Variants in CADM2 observed in about 807,000 individuals in gnomAD.
CADM2 encodes cell adhesion molecule 2.
Under a neutral mutation model 49.8 loss-of-function variants are expected in CADM2, and 12 were observed. The ratio of observed to expected loss-of-function variants is 0.24; its 90% CI spans 0.15 to 0.39. The LOEUF (loss-of-function observed/expected upper bound fraction) is 0.39, where lower values mean the gene tolerates loss of function less well. CADM2 is among the 10% of genes least tolerant of loss of function. CADM2 has a pLI of 1.00. For missense variants in CADM2, 378 were observed against 492.3 expected (o/e 0.77, Z 2.20); for synonymous variants, 214 against 175.4 (o/e 1.22, Z -1.74).
chr3:85,444,443 TCACACACACACA>T (rs4053296), intron 1 of CADM2, among the ~76,000 whole-genome samples: 5 of 147,930 alleles, frequency 3.4e-5, no homozygotes, highest in African/African-American at 7.5e-5. Flanking sequence ...TCCTACACAC[TCACACACACACA>T]CACACACACA....
At chr3:85,920,042 C>T (rs1001542986) in intron 6 of CADM2, among the ~76,000 whole-genome samples, 1 of 151,802 alleles carries the variant, frequency 6.6e-6, no homozygotes, top group Non-Finnish European at 1.5e-5. Flanking sequence ...TACACAAACC[C>T]GTACGTTTCT....
chr3:85,659,105 C>G (rs973790686), intron 1 of CADM2, among the ~76,000 whole-genome samples: 1 of 130,232 alleles, frequency 7.7e-6, no homozygotes, highest in African/African-American at 2.9e-5. Context: ...TTTTAAAACT[C>G]TACTGAAGCC....
intron 3 of CADM2, among the ~76,000 whole-genome samples, chr3:85,832,833 A>G (rs2074241925): frequency 6.6e-6 from 1 of 151,880 alleles, no homozygotes; most frequent in South Asian, 2.1e-4. Context: ...TAGGAATTTC[A>G]GTAAAGTGTT....
At chr3:85,529,897 T>C (rs1559889376) in intron 1 of CADM2, among the ~76,000 whole-genome samples, 1 of 152,140 alleles carries the variant, frequency 6.6e-6, no homozygotes, top group Non-Finnish European at 1.5e-5. Flanking sequence ...AATCCCTCTC[T>C]TATTTTTTCT....
intron 7 of CADM2, among the ~76,000 whole-genome samples, chr3:85,950,768 A>G (rs897727091): frequency 6.6e-6 from 1 of 151,134 alleles, no homozygotes; most frequent in Non-Finnish European, 1.5e-5. Context: ...TACTGGTGAA[A>G]TTAATATGCA....
Position 85,675,273 on chromosome 3 carries a change from A to G in CADM2, c.62-51249A>G, listed in dbSNP as rs147473479. On this transcript the variant is annotated intron_variant, in intron 1 of 9. Coordinates refer to ENST00000383699, the MANE Select transcript of CADM2 (RefSeq NM_001167675.2). Reference sequence around the variant, plus strand: ...TTTTAAGGTTATATTTAGCTCCTGTATCTTAGGATACAAGAACTTTAAGTG... The same window carrying G: ...TTTTAAGGTTATATTTAGCTCCTGTGTCTTAGGATACAAGAACTTTAAGTG... Among the ~76,000 whole-genome samples, 1,260 of 152,244 alleles carry G rather than the reference A, an allele frequency of 8.3e-3. 9 individuals are homozygous for G. The highest frequency in any genetic ancestry group is 0.012 in the Non-Finnish European group (782 of 67,990).
intron 1 of CADM2, among the ~76,000 whole-genome samples, chr3:85,289,561 T>C (rs1438411946): frequency 6.6e-6 from 1 of 152,200 alleles, no homozygotes; most frequent in Non-Finnish European, 1.5e-5. Flanking sequence ...CTAAGCTAAA[T>C]GAAGACATAG....
Position 86,072,256 on chromosome 3 carries a change from A to G in CADM2, c.*5473A>G, listed in dbSNP as rs537444152. ...GTTATGTGGTTATGTTATCAATAATATTTGGTTGATCTTCACATATTTTAT... is the reference window on the plus strand; with the variant it reads ...GTTATGTGGTTATGTTATCAATAATGTTTGGTTGATCTTCACATATTTTAT... On this transcript the variant is annotated 3_prime_UTR_variant, in exon 10 of 10. Coordinates refer to ENST00000383699, the MANE Select transcript of CADM2 (RefSeq NM_001167675.2). 6.6e-6 allele frequency: 1 copy of G among 151,776 alleles called. No individual in the cohort carries two copies. Among genetic ancestry groups the G allele is most frequent in the Admixed American group, 6.6e-5 (1 of 15,196 alleles). 9.4% of individuals were successfully genotyped at this position (151,776 alleles called of 1,614,324 possible). A position where few individuals can be genotyped will look rare whatever the true frequency, so the allele number is the denominator to read the frequency against.
At chr3:85,121,119 G>T (rs1417424939) in intron 1 of CADM2, among the ~76,000 whole-genome samples, 1 of 152,164 alleles carries the variant, frequency 6.6e-6, no homozygotes, top group African/African-American at 2.4e-5. Flanking sequence ...AGAGCAGAAG[G>T]AAGGTGTTCT....
intron 1 of CADM2, among the ~76,000 whole-genome samples, chr3:85,301,340 G>C (rs1244618111): frequency 1.3e-5 from 2 of 152,048 alleles, no homozygotes; most frequent in Admixed American, 6.6e-5. Context: ...AAATGGAATA[G>C]TATTCGTGTT....
At chr3:85,637,162 CAT>C (rs1302065760) in intron 1 of CADM2, among the ~76,000 whole-genome samples, 1 of 151,964 alleles carries the variant, frequency 6.6e-6, no homozygotes, top group African/African-American at 2.4e-5. Context: ...TTACAAAAGT[CAT>C]ATATTTTTTG....
chr3:85,729,168 G>A (rs2107790468), intron 2 of CADM2, among the ~76,000 whole-genome samples: 1 of 151,898 alleles, frequency 6.6e-6, no homozygotes, highest in African/African-American at 2.4e-5. Flanking sequence ...ATTTCCTTTG[G>A]TTTCAGTGGC....
chr3:85,295,868 G>A (rs900687553), intron 1 of CADM2, among the ~76,000 whole-genome samples: 1 of 151,336 alleles, frequency 6.6e-6, no homozygotes, highest in African/African-American at 2.4e-5. Context: ...CATGGCACAT[G>A]TATACATATG....
chr3:85,769,352 C>T (rs111215297), intron 2 of CADM2, among the ~76,000 whole-genome samples: 1 of 107,570 alleles, frequency 9.3e-6, no homozygotes, highest in Non-Finnish European at 1.7e-5. Flanking sequence ...TACATATATA[C>T]ATATATAGTA....
chr3:85,594,898 G>A (rs1282108973), intron 1 of CADM2, among the ~76,000 whole-genome samples: 1 of 152,000 alleles, frequency 6.6e-6, no homozygotes, highest in Non-Finnish European at 1.5e-5. Flanking sequence ...CAGTTTTAAT[G>A]CAGCTTTTGC....
At chr3:85,745,387 GT>G (rs1264275061) in intron 2 of CADM2, among the ~76,000 whole-genome samples, 1 of 152,024 alleles carries the variant, frequency 6.6e-6, no homozygotes, top group Non-Finnish European at 1.5e-5. Flanking sequence ...CATAAGTGTT[GT>G]TGAACTTTTC....
chr3:85,787,244 A>C (rs757115599), intron 2 of CADM2, among the ~76,000 whole-genome samples: 10 of 152,140 alleles, frequency 6.6e-5, no homozygotes, highest in Non-Finnish European at 1.5e-4. Context: ...ATCCTGTTTT[A>C]TACAAACTCA....
At chr3:85,623,016 TA>T (rs2064021727) in intron 1 of CADM2, among the ~76,000 whole-genome samples, 1 of 152,052 alleles carries the variant, frequency 6.6e-6, no homozygotes, top group Non-Finnish European at 1.5e-5. Context: ...GCAAATTATG[TA>T]AGCACATTTA....
rs1045258621 is a variant in CADM2 at position 86,070,934 on chromosome 3, A to G, written c.*4151A>G. The G allele has an allele frequency of 1.3e-5, 2 of 152,050 alleles. No homozygotes were observed. Among genetic ancestry groups the G allele is most frequent in the South Asian group, 4.1e-4 (2 of 4,828 alleles). The allele number at this position is 152,050 out of a possible 1,614,324, so 9.4% of individuals were successfully genotyped here. A position where few individuals can be genotyped will look rare whatever the true frequency, so the allele number is the denominator to read the frequency against. On this transcript the variant is annotated 3_prime_UTR_variant, in exon 10 of 10. Coordinates refer to ENST00000383699, the MANE Select transcript of CADM2 (RefSeq NM_001167675.2). ...TACTCAGTGCAATATCTGCAGTTCT[A>G]TTGCTGGATACTTAATGCAAAGGGA...
Sources: allele counts gnomAD v4.1 joint callset (sites outside exome capture counted in the v4.1 genomes callset), GRCh38; gene constraint gnomAD v4.1.1; transcripts MANE v1.5; gene names NCBI Gene and HGNC (gene_info 2026-07-23, HGNC 2026-07-21).